The following DIPK1A variants were observed in gnomAD, a reference collection of about 807,000 sequenced individuals.
The protein encoded by DIPK1A is family with sequence similarity 69 member A.
Under a neutral mutation model 40.8 loss-of-function variants are expected in DIPK1A, and 27 were observed. That is an observed-to-expected ratio of 0.66 (90% confidence interval 0.49 to 0.91). The LOEUF is 0.91. DIPK1A is among the 40% of genes least tolerant of loss of function. The probability of loss-of-function intolerance (pLI) is 0.00; values close to 1 mark genes in which losing one functional copy is unlikely to be tolerated. For missense variants in DIPK1A, 412 were observed against 505.7 expected, an observed-to-expected ratio of 0.81 and a Z score of 1.78; for synonymous variants, 166 against 171.3, an observed-to-expected ratio of 0.97 and a Z score of 0.24.
At chr1:92,880,665 G>C (rs960473530) in intron 1 of DIPK1A, among the ~76,000 whole-genome samples, 2 of 151,598 alleles carry the variant, frequency 1.3e-5, no homozygotes, top group Admixed American at 1.3e-4. Flanking sequence ...CCAAAGGATA[G>C]AGCCCATCCT....
At chr1:92,904,460 T>G (rs1419290521) in intron 1 of DIPK1A, among the ~76,000 whole-genome samples, 3 of 152,154 alleles carry the variant, frequency 2.0e-5, no homozygotes, top group Non-Finnish European at 4.4e-5. Context: ...TTGCTATAAA[T>G]CTCTTAAATA....
chr1:92,893,517 A>G (rs1453152248), intron 1 of DIPK1A, among the ~76,000 whole-genome samples: 1 of 152,112 alleles, frequency 6.6e-6, no homozygotes, highest in Non-Finnish European at 1.5e-5. Flanking sequence ...AAACATGGAA[A>G]GGAACAACCG....
chr1:92,836,541 C>T, intron 4 of DIPK1A: 2 of 727,824 alleles, frequency 2.7e-6, no homozygotes, highest in South Asian at 1.5e-5. Flanking sequence ...CCTAGTAGGG[C>T]AGGAAGGAAT....
At chr1:92,897,552 T>C (rs1382628614) in intron 1 of DIPK1A, among the ~76,000 whole-genome samples, 4 of 152,180 alleles carry the variant, frequency 2.6e-5, no homozygotes, top group Non-Finnish European at 5.9e-5. Flanking sequence ...ATATACCTAA[T>C]GTTAAATGAC....
intron 1 of DIPK1A, among the ~76,000 whole-genome samples, chr1:92,953,789 G>A (rs900352179): frequency 2.0e-5 from 3 of 152,192 alleles, no homozygotes; most frequent in Admixed American, 6.5e-5. Context: ...GCAGGATGAA[G>A]AAGTTCTAGA....
rs543442198 is a variant in DIPK1A, at chr1:92,925,262, C to A, written c.54+36114G>T. 1.6e-4 allele frequency among the ~76,000 whole-genome samples: 24 copies of A among 152,180 alleles called. No individual in the cohort carries two copies. The South Asian group carries it at 4.8e-3, about 30-fold the overall frequency. Reference sequence around the variant, plus strand: ...AGAGATTTTTAACTTTTCATAATGTCTTTACTAGATTTTAGTATCTGAATT... The same window carrying A: ...AGAGATTTTTAACTTTTCATAATGTATTTACTAGATTTTAGTATCTGAATT... On this transcript the variant is annotated intron_variant, in intron 1 of 4. Transcript: ENST00000370310.
At chr1:92,957,517 G>A (rs571431518) in intron 1 of DIPK1A, among the ~76,000 whole-genome samples, 2 of 152,326 alleles carry the variant, frequency 1.3e-5, no homozygotes, top group Admixed American at 1.3e-4. Flanking sequence ...TGTTGCTCAG[G>A]TAAACGTCTG....
At chr1:92,914,700 C>A (rs562501076) in intron 1 of DIPK1A, among the ~76,000 whole-genome samples, 1 of 150,178 alleles carries the variant, frequency 6.7e-6, no homozygotes, top group Non-Finnish European at 1.5e-5. Flanking sequence ...ACCTAGGAGG[C>A]GGAGGTTGCA....
intron 1 of DIPK1A, among the ~76,000 whole-genome samples, chr1:92,923,609 G>A (rs764944345): frequency 3.3e-5 from 5 of 152,160 alleles, no homozygotes; most frequent in African/African-American, 9.7e-5. Context: ...AGTTTTATAA[G>A]TCCCATATTG....
chr1:92,910,103 G>T (rs558291007), intron 1 of DIPK1A, among the ~76,000 whole-genome samples: 1 of 152,248 alleles, frequency 6.6e-6, no homozygotes, highest in East Asian at 1.9e-4. Flanking sequence ...AAAACCTTCA[G>T]TTTGGTCAAA....
intron 1 of DIPK1A, among the ~76,000 whole-genome samples, chr1:92,891,846 C>T (rs1648897492): frequency 6.6e-6 from 1 of 152,218 alleles, no homozygotes; most frequent in African/African-American, 2.4e-5. Context: ...GCAAACAGCA[C>T]ACCAGGAGAT....
chr1:92,857,543 A>G lies in DIPK1A; in HGVS notation c.190-6588T>C, dbSNP rs1282158751. 6.6e-5 allele frequency among the ~76,000 whole-genome samples: 10 copies of G among 152,074 alleles called. No homozygotes were observed. In the East Asian group the frequency reaches 1.9e-3, roughly 29 times the overall value. On this transcript the variant is annotated intron_variant, in intron 2 of 4. Coordinates refer to ENST00000370310, the MANE Select transcript of DIPK1A (RefSeq NM_001006605.5). Reference sequence around the variant, plus strand: ...CACCATGTTAGCTAGGCTGGTCTGGAACTCCTGACCTCAGGCGATCTGCCT... The same window carrying G: ...CACCATGTTAGCTAGGCTGGTCTGGGACTCCTGACCTCAGGCGATCTGCCT...
At chr1:92,926,673 T>A (rs1019708007) in intron 1 of DIPK1A, among the ~76,000 whole-genome samples, 3 of 152,256 alleles carry the variant, frequency 2.0e-5, no homozygotes, top group East Asian at 1.9e-4. Context: ...TTATGGTTTA[T>A]GTATTTTGAA....
intron 1 of DIPK1A, among the ~76,000 whole-genome samples, chr1:92,894,798 G>A (rs1649084360): frequency 2.0e-5 from 3 of 151,848 alleles, no homozygotes; most frequent in Admixed American, 2.0e-4. Context: ...TCAAATAGAG[G>A]CAATAAAAAA....
At chr1:92,961,239 C>G (rs1339925116) in intron 1 of DIPK1A, 137 bp downstream of exon 1, 5 of 401,210 alleles carry the variant, frequency 1.2e-5, no homozygotes, top group African/African-American at 2.5e-5. Flanking sequence ...CGCCAGGTGC[C>G]GGACGGCAGG....
At chr1:92,851,542 C>CAAAAAAAAAA (rs59664439) in intron 2 of DIPK1A, among the ~76,000 whole-genome samples, 524 of 34,676 alleles carry the variant, frequency 0.015, 66 homozygotes, top group African/African-American at 0.04. Context: ...GACCCTATCT[C>CAAAAAAAAAA]AAAAAAAAAA....
At chr1:92,924,649 G>A (rs547070149) in intron 1 of DIPK1A, among the ~76,000 whole-genome samples, 95 of 152,282 alleles carry the variant, frequency 6.2e-4, no homozygotes, top group African/African-American at 2.1e-3. Context: ...TGCTCGGTCC[G>A]GAGTAGGCTT....
At chr1:92,954,555 A>C in intron 1 of DIPK1A, among the ~76,000 whole-genome samples, 1 of 151,516 alleles carries the variant, frequency 6.6e-6, no homozygotes, top group Non-Finnish European at 1.5e-5. Context: ...TTGTACTTTT[A>C]GTAGAGACAG....
chr1:92,857,398 T>G (rs1374676453), intron 2 of DIPK1A, among the ~76,000 whole-genome samples: 1 of 151,526 alleles, frequency 6.6e-6, no homozygotes. Flanking sequence ...CTTGGCTTAC[T>G]GCAAACTCCA....
Sources: gnomAD v4.1 joint callset for allele counts (sites outside exome capture counted in the v4.1 genomes callset) on GRCh38, gnomAD v4.1.1 for gene constraint, MANE v1.5 for transcripts, NCBI Gene and HGNC (gene_info 2026-07-23, HGNC 2026-07-21) for gene names.